The following LRRTM4 variants were observed in gnomAD, a reference collection of about 807,000 sequenced individuals.
LRRTM4 encodes leucine rich repeat transmembrane neuronal 4.
Under a neutral mutation model 47.6 loss-of-function variants are expected in LRRTM4, and 25 were observed. The ratio of observed to expected loss-of-function variants is 0.53; its 90% CI spans 0.38 to 0.73. LRRTM4 has a LOEUF of 0.73. Ranked by LOEUF, LRRTM4 falls within the 30% of genes least tolerant of loss-of-function variation. The pLI is 0.00. For missense variants in LRRTM4, 638 were observed against 713.4 expected, an observed-to-expected ratio of 0.89 and a Z score of 1.20; for synonymous variants, 311 against 269.5, an observed-to-expected ratio of 1.15 and a Z score of -1.51.
At chr2:77,455,447 G>A (rs900761391) in intron 3 of LRRTM4, among the ~76,000 whole-genome samples, 1 of 152,012 alleles carries the variant, frequency 6.6e-6, no homozygotes, top group African/African-American at 2.4e-5. Context: ...TGAAATCCAA[G>A]TGGCTCCAAA....
chr2:76,901,756 G>T (rs1309505218), intron 3 of LRRTM4, among the ~76,000 whole-genome samples: 3 of 151,998 alleles, frequency 2.0e-5, no homozygotes, highest in African/African-American at 7.3e-5. Flanking sequence ...TGTTGAGTGG[G>T]GGTTCCGAGG....
At chr2:76,769,598 C>G (rs1673598805) in intron 3 of LRRTM4, among the ~76,000 whole-genome samples, 1 of 151,948 alleles carries the variant, frequency 6.6e-6, no homozygotes, top group African/African-American at 2.4e-5. Context: ...GTCCAATGTT[C>G]TTTATCACAT....
chr2:77,065,305 A>C (rs1679916463), intron 3 of LRRTM4, among the ~76,000 whole-genome samples: 1 of 152,178 alleles, frequency 6.6e-6, no homozygotes, highest in Non-Finnish European at 1.5e-5. Context: ...TGATAAGCTC[A>C]GAAGTTATAA....
intron 3 of LRRTM4, among the ~76,000 whole-genome samples, chr2:77,007,392 T>C (rs996293393): frequency 1.9e-4 from 29 of 152,146 alleles, no homozygotes; most frequent in Admixed American, 7.9e-4. Flanking sequence ...AATATGAAGA[T>C]AGAGTCATGC....
chr2:77,396,156 A>G (rs1012077856), intron 3 of LRRTM4, among the ~76,000 whole-genome samples: 4 of 151,890 alleles, frequency 2.6e-5, no homozygotes, highest in Non-Finnish European at 5.9e-5. Context: ...TGTTCATTTT[A>G]CAAGCTGATT....
intron 3 of LRRTM4, among the ~76,000 whole-genome samples, chr2:77,369,474 C>T (rs1042262929): frequency 2.6e-5 from 4 of 151,640 alleles, no homozygotes; most frequent in African/African-American, 9.7e-5. Context: ...TAATCTACAA[C>T]ATGAAGACGA....
chr2:76,776,072 A>G (rs1156622560), intron 3 of LRRTM4, among the ~76,000 whole-genome samples: 2 of 152,054 alleles, frequency 1.3e-5, no homozygotes, highest in Non-Finnish European at 2.9e-5. Flanking sequence ...CCATGTCCCT[A>G]CAAAGGACAT....
chr2:76,817,820 C>T lies in LRRTM4; in HGVS notation c.1552-68904G>A, dbSNP rs76916260. On this transcript the variant is annotated intron_variant, in intron 3 of 3. Transcript: ENST00000409884. Reference sequence around the variant, plus strand: ...AATTTGCGTTAACGAATCTGGGCTGCAGAGTAATGTCTTCTTGCTTAAGAT... The same window carrying T: ...AATTTGCGTTAACGAATCTGGGCTGTAGAGTAATGTCTTCTTGCTTAAGAT... Among the ~76,000 whole-genome samples the T allele has an allele frequency of 5.9e-5, 9 of 151,892 alleles. No individual in the cohort carries two copies. The East Asian group carries it at 1.7e-3, about 29-fold the overall frequency.
intron 3 of LRRTM4, among the ~76,000 whole-genome samples, chr2:77,460,001 G>T (rs1676722964): frequency 6.6e-6 from 1 of 151,338 alleles, no homozygotes; most frequent in South Asian, 2.1e-4. Flanking sequence ...TGATAAAAAT[G>T]ATAATCTTCA....
intron 3 of LRRTM4, among the ~76,000 whole-genome samples, chr2:77,458,634 A>G (rs958940872): frequency 3.3e-5 from 5 of 151,960 alleles, no homozygotes; most frequent in Non-Finnish European, 5.9e-5. Context: ...GTGAGATTTT[A>G]TAGTACAGTT....
rs1678675005 is a variant in LRRTM4 at position 77,031,945 on chromosome 2, G to A, written c.1552-283029C>T. ...TCAGGCCCCTAACCCTAACATGATT[G>A]TCAACTCCTCTTTCTTCTATGCCTC... On this transcript the variant is annotated intron_variant, in intron 3 of 3. Coordinates refer to ENST00000409884, the MANE Select transcript of LRRTM4 (RefSeq NM_001134745.3). Among the ~76,000 whole-genome samples the A allele has an allele frequency of 2.0e-5, 3 of 152,088 alleles. No individual in the cohort carries two copies. In the South Asian group the frequency reaches 6.3e-4, roughly 32 times the overall value.
chr2:77,492,041 A>G (rs1201662010), intron 3 of LRRTM4, among the ~76,000 whole-genome samples: 2 of 152,092 alleles, frequency 1.3e-5, no homozygotes, highest in East Asian at 1.9e-4. Context: ...AATGATTTCA[A>G]GTGGTTCTTA....
intron 3 of LRRTM4, among the ~76,000 whole-genome samples, chr2:77,403,131 A>T (rs1223496102): frequency 6.6e-6 from 1 of 151,890 alleles, no homozygotes; most frequent in Non-Finnish European, 1.5e-5. Flanking sequence ...TCCTAAAAAA[A>T]TGTCTCCCAG....
intron 3 of LRRTM4, among the ~76,000 whole-genome samples, chr2:76,749,993 C>A (rs749466715): frequency 1.7e-4 from 26 of 152,166 alleles, no homozygotes; most frequent in African/African-American, 6.3e-4. Flanking sequence ...TTTTAGGATG[C>A]TGAGGTTTGG....
intron 3 of LRRTM4, among the ~76,000 whole-genome samples, chr2:76,791,802 C>T (rs1340842765): frequency 6.6e-6 from 1 of 152,126 alleles, no homozygotes; most frequent in Non-Finnish European, 1.5e-5. Flanking sequence ...CTTATTTTGC[C>T]AACAGTATTT....
intron 3 of LRRTM4, among the ~76,000 whole-genome samples, chr2:76,775,762 AT>A (rs1031935268): frequency 6.6e-6 from 1 of 151,580 alleles, no homozygotes; most frequent in African/African-American, 2.4e-5. Context: ...TTTTAAATTT[AT>A]TTTTTTATTA....
chr2:76,770,035 G>A (rs2222180), intron 3 of LRRTM4, among the ~76,000 whole-genome samples: 53,940 of 151,986 alleles, frequency 0.35, 10,607 homozygotes, highest in African/African-American at 0.51. Context: ...ACATTATTCT[G>A]ATGCATACTG....
Position 77,519,952 on chromosome 2 carries a change from T to C in LRRTM4, c.5-88A>G. On this transcript the variant is annotated intron_variant, in intron 2 of 3. Transcript: ENST00000409884. The surrounding 1 kb of genome is among the most constrained non-coding windows in gnomAD (Gnocchi z 4.6). Reference sequence around the variant, plus strand: ...TTACCAACAACAGGGGCATTTCCTCTAGTGTAGGAATGGGACAGTTGATTT... The same window carrying C: ...TTACCAACAACAGGGGCATTTCCTCCAGTGTAGGAATGGGACAGTTGATTT... 2.1e-6 allele frequency: 3 copies of C among 1,457,492 alleles called. No homozygotes were observed. The highest frequency in any genetic ancestry group is 2.7e-6 in the Non-Finnish European group (3 of 1,106,854). 90.3% of individuals were successfully genotyped at this position (1,457,492 alleles called of 1,614,324 possible).
chr2:76,946,685 G>C (rs1201713822), intron 3 of LRRTM4, among the ~76,000 whole-genome samples: 1 of 151,818 alleles, frequency 6.6e-6, no homozygotes, highest in Non-Finnish European at 1.5e-5. Flanking sequence ...AGCCTAGCCA[G>C]TTTCCACAAC....
Sources: gnomAD v4.1 joint callset for allele counts (sites outside exome capture counted in the v4.1 genomes callset) on GRCh38, gnomAD v4.1.1 for gene constraint, Gnocchi (gnomAD v3.1) non-coding constraint, MANE v1.5 for transcripts, NCBI Gene and HGNC (gene_info 2026-07-23, HGNC 2026-07-21) for gene names.